The following NCKAP5 variants were observed in gnomAD, a reference collection of about 807,000 sequenced individuals.
The protein encoded by NCKAP5 is NCK associated protein 5.
NCKAP5 carries 92 observed loss-of-function variants against 167.0 expected under a neutral mutation model. That is an observed-to-expected ratio of 0.55 (90% CI 0.47 to 0.66). The LOEUF (loss-of-function observed/expected upper bound fraction) is 0.66, where lower values mean the gene tolerates loss of function less well. NCKAP5 is among the 30% of genes least tolerant of loss of function. The pLI, the probability that NCKAP5 is intolerant of heterozygous loss-of-function variation, is 0.00. For missense variants in NCKAP5, 2,378 were observed against 2,315.0 expected (o/e 1.03, Z -0.56); for synonymous variants, 891 against 877.4 (o/e 1.02, Z -0.27).
At chr2:132,886,877 T>C (rs563999224) in intron 8 of NCKAP5, among the ~76,000 whole-genome samples, 1 of 152,288 alleles carries the variant, frequency 6.6e-6, no homozygotes, top group South Asian at 2.1e-4. Flanking sequence ...AAATGTGCAA[T>C]AGAGTCTTTT....
At chr2:132,726,288 C>T (rs144456940) in intron 18 of NCKAP5, among the ~76,000 whole-genome samples, 17 of 152,332 alleles carry the variant, frequency 1.1e-4, no homozygotes, top group African/African-American at 3.1e-4. Context: ...TAAGCAATTG[C>T]TGACTCCATG....
chr2:132,760,572 A>G (rs1284673514), intron 16 of NCKAP5, among the ~76,000 whole-genome samples: 1 of 151,734 alleles, frequency 6.6e-6, no homozygotes, highest in African/African-American at 2.4e-5. Flanking sequence ...TCTGTGTATT[A>G]TTGCTTTTTT....
intron 3 of NCKAP5, among the ~76,000 whole-genome samples, chr2:133,307,488 C>G (rs1307289957): frequency 6.6e-6 from 1 of 151,526 alleles, no homozygotes; most frequent in African/African-American, 2.4e-5. Context: ...TCTATTGGCA[C>G]AAGAGTTGAA....
intron 6 of NCKAP5, among the ~76,000 whole-genome samples, chr2:133,003,240 AT>A (rs1202448735): frequency 6.6e-6 from 1 of 152,140 alleles, no homozygotes; most frequent in Non-Finnish European, 1.5e-5. Flanking sequence ...CATATTTTGC[AT>A]TGCCTCCCAT....
At chr2:132,911,971 G>A (rs919805054) in intron 8 of NCKAP5, among the ~76,000 whole-genome samples, 4 of 152,176 alleles carry the variant, frequency 2.6e-5, no homozygotes, top group Admixed American at 2.0e-4. Context: ...TGTCTGCCTG[G>A]AGGAGCCTGT....
chr2:133,628,274 T>C, the NCKAP5 span, among the ~76,000 whole-genome samples: 2 of 152,296 alleles, frequency 1.3e-5, no homozygotes, highest in East Asian at 1.9e-4. Flanking sequence ...CTTCTTAAGC[T>C]GATAAGCAAC....
At chr2:133,391,275 T>G (rs1687383439) in intron 3 of NCKAP5, 1 of 157,704 alleles carries the variant, frequency 6.3e-6, no homozygotes, top group African/African-American at 2.4e-5. Context: ...CAGTGCAGCT[T>G]CAGGAGGGTT....
intron 3 of NCKAP5, among the ~76,000 whole-genome samples, chr2:133,506,911 G>C (rs1040767547): frequency 6.6e-6 from 1 of 152,176 alleles, no homozygotes; most frequent in African/African-American, 2.4e-5. Context: ...AAGAGGATGA[G>C]AAAGGCTAAC....
At chr2:133,153,308 T>C (rs2083446676) in intron 5 of NCKAP5, among the ~76,000 whole-genome samples, 1 of 152,172 alleles carries the variant, frequency 6.6e-6, no homozygotes, top group South Asian at 2.1e-4. Context: ...TGTAGCAATA[T>C]TGCTTCATCC....
In NCKAP5 at chr2:132,672,889, T is replaced by C; in HGVS notation, c.*400A>G. The C allele has an allele frequency of 2.3e-6, 2 of 875,384 alleles. No individual in the cohort carries two copies. The highest frequency in any genetic ancestry group is 2.7e-6 in the Non-Finnish European group (2 of 728,028). 54.2% of individuals were successfully genotyped at this position (875,384 alleles called of 1,614,324 possible). On this transcript the variant is annotated 3_prime_UTR_variant, in exon 20 of 20. Transcript: ENST00000409261. ...GAGAAATAAGCTCTGGTGGGTTGCC[T>C]GCTGTGAATTTGACAAGGAAGGCTC... is the stretch of plus-strand genomic sequence containing the variant.
intron 5 of NCKAP5, among the ~76,000 whole-genome samples, chr2:133,188,896 C>T (rs2085076324): frequency 6.6e-6 from 1 of 151,982 alleles, no homozygotes; most frequent in Admixed American, 6.6e-5. Flanking sequence ...AGAGCAAACA[C>T]ATTCAAAAGC....
At chr2:133,277,060 T>A (rs2089759401) in intron 4 of NCKAP5, among the ~76,000 whole-genome samples, 2 of 152,180 alleles carry the variant, frequency 1.3e-5, no homozygotes, top group African/African-American at 4.8e-5. Context: ...TGCACACATA[T>A]GCTTAGTCCT....
chr2:132,725,888 A>T, intron 18 of NCKAP5, 129 bp from the exon 19 acceptor site: 1 of 978,828 alleles, frequency 1.0e-6, no homozygotes, highest in South Asian at 1.6e-5. Context: ...CCCACTGCCC[A>T]GCCCGCCGCT....
At chr2:133,499,508 G>C (rs1682288825) in intron 3 of NCKAP5, among the ~76,000 whole-genome samples, 3 of 152,034 alleles carry the variant, frequency 2.0e-5, no homozygotes, top group African/African-American at 2.4e-5. Flanking sequence ...AACCAGACCA[G>C]ACTCAATGCT....
At chr2:133,240,539 T>C (rs1019766674) in intron 4 of NCKAP5, among the ~76,000 whole-genome samples, 2 of 152,228 alleles carry the variant, frequency 1.3e-5, no homozygotes, top group Admixed American at 6.5e-5. Flanking sequence ...ATGCTGACTG[T>C]CTTGGGGATG....
At chr2:133,635,465 C>G in the NCKAP5 span, among the ~76,000 whole-genome samples, 30 of 152,108 alleles carry the variant, frequency 2.0e-4, no homozygotes, top group African/African-American at 6.8e-4. Context: ...CATCAGTCTG[C>G]CAGAAGACCT....
chr2:132,739,939 A>G, intron 16 of NCKAP5, among the ~76,000 whole-genome samples: 1 of 152,188 alleles, frequency 6.6e-6, no homozygotes, highest in East Asian at 1.9e-4. Context: ...CCTTGTTTAC[A>G]GACTTATGAC....
intron 3 of NCKAP5, among the ~76,000 whole-genome samples, chr2:133,429,619 G>A (rs932600931): frequency 3.3e-5 from 5 of 152,070 alleles, no homozygotes; most frequent in Non-Finnish European, 7.4e-5. Flanking sequence ...GACTCCAGTT[G>A]CATCCATGTT....
intron 6 of NCKAP5, among the ~76,000 whole-genome samples, chr2:133,103,338 T>C (rs958543819): frequency 3.9e-5 from 6 of 152,356 alleles, no homozygotes; most frequent in Non-Finnish European, 1.5e-5. Flanking sequence ...TGAAGCCACT[T>C]GCTCAAGGTA....
Sources: gnomAD v4.1 joint callset for allele counts (sites outside exome capture counted in the v4.1 genomes callset) on GRCh38, gnomAD v4.1.1 for gene constraint, MANE v1.5 for transcripts, NCBI Gene and HGNC (gene_info 2026-07-23, HGNC 2026-07-21) for gene names.